The following RBPJ variants were observed in gnomAD, a reference collection of about 807,000 sequenced individuals.
The protein encoded by RBPJ is recombination signal binding protein for immunoglobulin kappa J region.
RBPJ carries 9 observed loss-of-function variants against 67.8 expected under a neutral mutation model. The observed-to-expected ratio is 0.13, with a 90% confidence interval of 0.08 to 0.23. RBPJ has a LOEUF of 0.23. Among genes scored for constraint, RBPJ ranks in the 10% least tolerant of loss-of-function variants. The pLI is 1.00. For missense variants in RBPJ, 305 were observed against 595.6 expected (o/e 0.51, Z 5.08); for synonymous variants, 198 against 203.3 (o/e 0.97, Z 0.22).
chr4:26,417,834 T>C (rs941208221), intron 4 of RBPJ, among the ~76,000 whole-genome samples: 1 of 152,224 alleles, frequency 6.6e-6, no homozygotes, highest in African/African-American at 2.4e-5. Flanking sequence ...AAATATGGGA[T>C]ATTCATTTTG....
At chr4:26,270,381 GA>G (rs1466441305) in intron 1 of RBPJ, among the ~76,000 whole-genome samples, 1 of 49,422 alleles carries the variant, frequency 2.0e-5, no homozygotes, top group African/African-American at 6.9e-5. Context: ...AAGAAAGAAA[GA>G]AAGAAAGAAA....
chr4:26,265,300 C>T (rs902504236), intron 1 of RBPJ, among the ~76,000 whole-genome samples: 4 of 151,420 alleles, frequency 2.6e-5, no homozygotes, highest in South Asian at 4.2e-4. Context: ...AGGCTGAGGC[C>T]GGCCGATCAT....
intron 1 of RBPJ, among the ~76,000 whole-genome samples, chr4:26,359,256 T>A (rs1727747250): frequency 6.6e-6 from 1 of 152,164 alleles, no homozygotes; most frequent in Non-Finnish European, 1.5e-5. Context: ...AGTTAGGTAA[T>A]CATATGTCAT....
At chr4:26,345,187 A>G (rs934612348) in intron 1 of RBPJ, among the ~76,000 whole-genome samples, 4 of 152,254 alleles carry the variant, frequency 2.6e-5, no homozygotes, top group African/African-American at 9.6e-5. Flanking sequence ...CTTCTGATTC[A>G]TAACCAAATT....
At chr4:26,246,073 G>A (rs1191027985) in intron 1 of RBPJ, among the ~76,000 whole-genome samples, 4 of 152,162 alleles carry the variant, frequency 2.6e-5, no homozygotes, top group African/African-American at 9.7e-5. Flanking sequence ...ATGAACTTTA[G>A]GATCTGCTTT....
chr4:26,248,883 G>A (rs1006950104), intron 1 of RBPJ, among the ~76,000 whole-genome samples: 3 of 152,158 alleles, frequency 2.0e-5, no homozygotes, highest in Admixed American at 6.5e-5. Flanking sequence ...CCAGCTGGGA[G>A]GTAACCATTA....
chr4:26,276,837 G>C (rs537907919), intron 1 of RBPJ, among the ~76,000 whole-genome samples: 1 of 152,312 alleles, frequency 6.6e-6, no homozygotes, highest in Admixed American at 6.5e-5. Flanking sequence ...CTTTCTGTCT[G>C]TTTCCTTTGT....
upstream of RBPJ, among the ~76,000 whole-genome samples, chr4:26,316,014 C>A (rs141148549): frequency 3.9e-3 from 596 of 152,156 alleles, 6 homozygotes; most frequent in African/African-American, 0.014. Context: ...GCACTGATTT[C>A]ATATTGTTCA....
At chr4:26,123,989 A>C in the RBPJ span, among the ~76,000 whole-genome samples, 1 of 152,242 alleles carries the variant, frequency 6.6e-6, no homozygotes, top group African/African-American at 2.4e-5. Flanking sequence ...TAGTAAATAC[A>C]TGAACCAGTA....
chr4:26,108,544 A>G, the RBPJ span, among the ~76,000 whole-genome samples: 4 of 152,234 alleles, frequency 2.6e-5, no homozygotes, highest in African/African-American at 4.8e-5. Context: ...TACAAGCTGC[A>G]TGGTTTCCAG....
chr4:26,316,446 C>CAT (rs1261441297), upstream of RBPJ, among the ~76,000 whole-genome samples: 32 of 132,026 alleles, frequency 2.4e-4, no homozygotes, highest in Middle Eastern at 3.4e-3. Context: ...CATTCATATA[C>CAT]ATTCATATAT....
chr4:26,186,706 C>T lies in RBPJ; in HGVS notation c.-167+23092C>T, dbSNP rs79196430. On this transcript the variant is annotated intron_variant, in intron 1 of 4. Transcript: ENST00000512351. The stretch of plus-strand genomic sequence containing the variant: ...ATTCAAAAATGTTCACTCTAGTATT[C>T]GCTAAAAAACAAGTCTGAAAACTAT... Among the ~76,000 whole-genome samples, 1,226 of 152,216 alleles carry T rather than the reference C, an allele frequency of 8.1e-3. 19 individuals carry two copies. Among genetic ancestry groups the T allele is most frequent in the African/African-American group, 0.028 (1,169 of 41,516 alleles).
At chr4:26,402,691 G>C (rs1241571950) in intron 2 of RBPJ, among the ~76,000 whole-genome samples, 4 of 152,160 alleles carry the variant, frequency 2.6e-5, no homozygotes, top group Non-Finnish European at 4.4e-5. Context: ...TCAGTTCTCA[G>C]TTTCCTTTAA....
intron 1 of RBPJ, among the ~76,000 whole-genome samples, chr4:26,234,684 C>CTTATTTAT (rs56961547): frequency 1.3e-4 from 20 of 151,562 alleles, no homozygotes; most frequent in South Asian, 4.2e-4. Flanking sequence ...ATCTTATTTT[C>CTTATTTAT]TTATTTATTT....
intron 1 of RBPJ, among the ~76,000 whole-genome samples, chr4:26,184,888 T>A (rs1275459748): frequency 6.6e-6 from 1 of 152,264 alleles, no homozygotes; most frequent in African/African-American, 2.4e-5. Flanking sequence ...ATGCCTGTAA[T>A]CCCAGCACTT....
intron 1 of RBPJ, among the ~76,000 whole-genome samples, chr4:26,342,265 C>A (rs371613397): frequency 5.0e-3 from 563 of 113,378 alleles, no homozygotes; most frequent in South Asian, 5.3e-3. Context: ...CCTGGGTTAT[C>A]AAAAAAAAAA....
chr4:26,226,928 C>T (rs1719095557), intron 1 of RBPJ, among the ~76,000 whole-genome samples: 1 of 152,120 alleles, frequency 6.6e-6, no homozygotes, highest in African/African-American at 2.4e-5. Context: ...ACTTCAAAGA[C>T]ACAGAACTGC....
rs971040722 is a variant in RBPJ at position 26,321,230 on chromosome 4, C to A, written c.20+182C>A. Reference sequence around the variant, plus strand: ...GCCGTGCGCTGCCGCTCTGCGCTGCCGTGGCTCAGGCTCCAGCGCGTGAGG... The same window carrying A: ...GCCGTGCGCTGCCGCTCTGCGCTGCAGTGGCTCAGGCTCCAGCGCGTGAGG... On this transcript the variant is annotated intron_variant, in intron 1 of 10. Transcript: ENST00000355476. 4.6e-3 allele frequency: 730 copies of A among 160,000 alleles called. 8 individuals are homozygous for A. The highest frequency in any genetic ancestry group is 9.6e-3 in the Middle Eastern group (3 of 312). 9.9% of individuals were successfully genotyped at this position (160,000 alleles called of 1,614,324 possible).
intron 1 of RBPJ, among the ~76,000 whole-genome samples, chr4:26,309,605 G>C (rs2109306061): frequency 6.6e-6 from 1 of 152,294 alleles, no homozygotes; most frequent in African/African-American, 2.4e-5. Flanking sequence ...GGTGAAGCTA[G>C]TTCAGTGTTC....
Sources: gnomAD v4.1 joint callset for allele counts (sites outside exome capture counted in the v4.1 genomes callset) on GRCh38, gnomAD v4.1.1 for gene constraint, MANE v1.5 for transcripts, NCBI Gene and HGNC (gene_info 2026-07-23, HGNC 2026-07-21) for gene names.